The following SIMC1 variants were observed in gnomAD, a reference collection of about 807,000 sequenced individuals.
SIMC1 encodes the protein SUMO-interacting motif-containing protein 1.
In SIMC1, 55 loss-of-function variants were observed where a neutral mutation model predicts 82.3. The observed-to-expected ratio is 0.67, with a 90% CI of 0.54 to 0.84. The LOEUF (loss-of-function observed/expected upper bound fraction) is 0.84. Among genes scored for constraint, SIMC1 ranks in the 40% least tolerant of loss-of-function variants. The probability of loss-of-function intolerance (pLI) is 0.00; values close to 1 mark genes in which losing one functional copy is unlikely to be tolerated. For missense variants in SIMC1, 915 were observed against 1,107.2 expected (o/e 0.83, Z 2.46); for synonymous variants, 353 against 426.3 (o/e 0.83, Z 2.12).
intron 4 of SIMC1, among the ~76,000 whole-genome samples, chr5:176,296,864 A>G (rs1334562972): frequency 6.6e-6 from 1 of 152,232 alleles, no homozygotes. Flanking sequence ...AGAAAGTTAT[A>G]AATTCATGGC....
intron 1 of SIMC1, among the ~76,000 whole-genome samples, chr5:176,249,939 G>A (rs1020957387): frequency 6.7e-6 from 1 of 149,850 alleles, no homozygotes; most frequent in South Asian, 2.1e-4. Context: ...CCTGATCTTA[G>A]TTATTTCTTG....
At chr5:176,318,394 T>G (rs1156383227) in intron 5 of SIMC1, among the ~76,000 whole-genome samples, 1 of 152,246 alleles carries the variant, frequency 6.6e-6, no homozygotes, top group African/African-American at 2.4e-5. Flanking sequence ...TCAGTTGGTC[T>G]CAATATCCCC....
intron 4 of SIMC1, chr5:176,313,263 T>C (rs1033025879): frequency 2.9e-6 from 4 of 1,392,314 alleles, no homozygotes; most frequent in African/African-American, 1.5e-5. Context: ...TTCTCTGTTT[T>C]GCCATCTGTA....
Position 176,336,867 on chromosome 5 carries a change from C to G in SIMC1, c.2319C>G (p.Leu773=). 1.2e-6 allele frequency: 2 copies of G among 1,613,962 alleles called. No homozygotes were observed. The change falls in exon 8 of 10, where the codon CTC becomes CTG. Residue 773 remains leucine (L), a synonymous_variant. Coordinates refer to ENST00000429602, the MANE Select transcript of SIMC1 (RefSeq NM_001308195.2). ...TTCTGAATAATTCTACGTCACTGCT[C>G]AAGTGTCAGGTACATTTTTTCCTGC... ...LYFLNNSTSL[L]KCQSDKSQWQ...
intron 1 of SIMC1, among the ~76,000 whole-genome samples, chr5:176,260,756 C>CT (rs998047322): frequency 6.6e-6 from 1 of 152,128 alleles, no homozygotes; most frequent in African/African-American, 2.4e-5. Flanking sequence ...TCTCAGAACA[C>CT]TAGGAGTGTA....
chr5:176,305,143 G>GA (rs1764259010), intron 4 of SIMC1, among the ~76,000 whole-genome samples: 3 of 127,850 alleles, frequency 2.3e-5, no homozygotes, highest in South Asian at 2.5e-4. Context: ...AGGAGGGGGG[G>GA]GGGGTCAGCC....
intron 4 of SIMC1, among the ~76,000 whole-genome samples, chr5:176,306,931 A>T (rs2335423): frequency 0.07 from 10,547 of 151,370 alleles, 773 homozygotes; most frequent in African/African-American, 0.19. Context: ...TAAAAAAAAA[A>T]AATAATAAAG....
At chr5:176,252,220 C>G (rs1342883985) in intron 1 of SIMC1, among the ~76,000 whole-genome samples, 3 of 150,362 alleles carry the variant, frequency 2.0e-5, no homozygotes, top group Non-Finnish European at 4.4e-5. Flanking sequence ...GCTGACCGCC[C>G]CCCCCACCTC....
chr5:176,277,642 G>A (rs538635914), intron 1 of SIMC1, among the ~76,000 whole-genome samples: 1 of 152,136 alleles, frequency 6.6e-6, no homozygotes, highest in Non-Finnish European at 1.5e-5. Flanking sequence ...GTAAGGAAGG[G>A]ATTCAGTTTC....
At chr5:176,313,892 A>T (rs762215659) in intron 5 of SIMC1, 47 bp downstream of exon 5, 14 of 1,606,486 alleles carry the variant, frequency 8.7e-6, no homozygotes, top group Non-Finnish European at 1.7e-6. Context: ...AAGGGATTAT[A>T]GGTGGGCAGC....
chr5:176,289,483 A>AGAAAT (rs1763446143), intron 1 of SIMC1, among the ~76,000 whole-genome samples, 171 bp from the exon 2 acceptor site: 1 of 152,302 alleles, frequency 6.6e-6, no homozygotes, highest in Non-Finnish European at 1.5e-5. Context: ...AAGAAGGTAT[A>AGAAAT]GAAATTGACA....
chr5:176,305,569 G>C (rs1214793487), intron 4 of SIMC1, among the ~76,000 whole-genome samples: 15 of 143,954 alleles, frequency 1.0e-4, no homozygotes, highest in Non-Finnish European at 2.2e-4. Context: ...CGCCCCGTCC[G>C]GGAGGGAGGT....
chr5:176,282,064 T>A (rs1399610679), intron 1 of SIMC1, among the ~76,000 whole-genome samples: 1 of 152,236 alleles, frequency 6.6e-6, no homozygotes, highest in Non-Finnish European at 1.5e-5. Context: ...CAGGCCTCCT[T>A]GAGCTGTGGT....
chr5:176,287,564 GCACATGTA>G (rs968185154), intron 1 of SIMC1, among the ~76,000 whole-genome samples: 7 of 151,888 alleles, frequency 4.6e-5, no homozygotes, highest in African/African-American at 1.7e-4. Flanking sequence ...CACCAACATC[GCACATGTA>G]CACATATGTA....
At chr5:176,257,587 A>T (rs1386514604) in intron 1 of SIMC1, among the ~76,000 whole-genome samples, 3 of 152,206 alleles carry the variant, frequency 2.0e-5, no homozygotes. Context: ...GCACCAAGCC[A>T]TGAGGGATAT....
intron 9 of SIMC1, among the ~76,000 whole-genome samples, chr5:176,337,365 T>C (rs13169783): frequency 0.53 from 80,873 of 151,986 alleles, 21,702 homozygotes; most frequent in Non-Finnish European, 0.58. Flanking sequence ...AGTTGTAAGA[T>C]TGTGTAGGTA....
intron 4 of SIMC1, chr5:176,313,379 A>G: frequency 6.5e-7 from 1 of 1,530,582 alleles, no homozygotes; most frequent in Non-Finnish European, 8.8e-7. Context: ...ATTCCAGTAG[A>G]TATCTGATTG....
intron 1 of SIMC1, among the ~76,000 whole-genome samples, chr5:176,275,583 C>T (rs986517219): frequency 2.6e-5 from 4 of 151,690 alleles, no homozygotes; most frequent in African/African-American, 7.3e-5. Flanking sequence ...AGTTTTTGCC[C>T]ATTCAGTATG....
At position 176,324,777 on chromosome 5, in the gene SIMC1, G is replaced by A; in HGVS notation, c.2171+20G>A. 6.5e-7 allele frequency: 1 copy of A among 1,539,758 alleles called. No homozygotes were observed. The highest frequency in any genetic ancestry group is 1.3e-5 in the South Asian group (1 of 79,662). On this transcript the variant is annotated intron_variant, in intron 7 of 9. Coordinates refer to ENST00000429602, the MANE Select transcript of SIMC1 (RefSeq NM_001308195.2). ...CCAGAGGTGAGTCTTGATTTTGTTG[G>A]GGAGAGCAGTTATTTAAAAAAAAAA...
Sources: gnomAD v4.1 joint callset for allele counts (sites outside exome capture counted in the v4.1 genomes callset) on GRCh38, gnomAD v4.1.1 for gene constraint, MANE v1.5 for transcripts, NCBI Gene and HGNC (gene_info 2026-07-23, HGNC 2026-07-21) for gene names.